ROCK1: variants seen among roughly 807,000 people sequenced by gnomAD.
ROCK1 encodes the protein Rho associated coiled-coil containing protein kinase 1.
A neutral mutation model predicts 196.8 loss-of-function variants in ROCK1; 36 were observed. That is an observed-to-expected ratio of 0.18 (90% CI 0.14 to 0.24). ROCK1 has a LOEUF of 0.24. Ranked by LOEUF, ROCK1 falls within the 10% of genes least tolerant of loss-of-function variation. The pLI, the probability that ROCK1 is intolerant of heterozygous loss-of-function variation, is 1.00. For missense variants in ROCK1, 920 were observed against 1,562.0 expected (o/e 0.59, Z 6.93); for synonymous variants, 443 against 515.9 (o/e 0.86, Z 1.91).
intron 1 of ROCK1, among the ~76,000 whole-genome samples, chr18:21,078,397 G>A (rs2036454157): frequency 6.6e-6 from 1 of 151,382 alleles, no homozygotes; most frequent in South Asian, 2.1e-4. Flanking sequence ...GAGAGAGAGA[G>A]AGAACCTAGT....
At chr18:21,017,671 T>A (rs775908074) in intron 12 of ROCK1, among the ~76,000 whole-genome samples, 1 of 151,980 alleles carries the variant, frequency 6.6e-6, no homozygotes, top group African/African-American at 2.4e-5. Context: ...GCAGAGAATT[T>A]GATTTAAAGA....
intron 29 of ROCK1, among the ~76,000 whole-genome samples, chr18:20,959,128 T>TA (rs1446667525): frequency 0.012 from 654 of 55,036 alleles, 76 homozygotes; most frequent in African/African-American, 0.072. Flanking sequence ...ATAATATATA[T>TA]ATTATATATA....
intron 18 of ROCK1, among the ~76,000 whole-genome samples, chr18:20,989,600 T>C (rs928252881): frequency 2.0e-5 from 3 of 152,206 alleles, no homozygotes; most frequent in South Asian, 2.1e-4. Context: ...GGATGACAGA[T>C]TGCTGCATGG....
At chr18:20,964,976 A>C (rs576704095) in intron 27 of ROCK1, among the ~76,000 whole-genome samples, 1 of 152,316 alleles carries the variant, frequency 6.6e-6, no homozygotes, top group African/African-American at 2.4e-5. Flanking sequence ...TAATGTGTCC[A>C]TTTCTGACAT....
chr18:21,109,639 G>C (rs778378875), intron 1 of ROCK1, among the ~76,000 whole-genome samples: 2 of 152,062 alleles, frequency 1.3e-5, no homozygotes, highest in African/African-American at 2.4e-5. Flanking sequence ...TTATTTCCTG[G>C]TCAGGGATGC....
chr18:21,033,568 A>G (rs186748375), intron 9 of ROCK1, among the ~76,000 whole-genome samples: 5 of 152,210 alleles, frequency 3.3e-5, no homozygotes, highest in African/African-American at 1.2e-4. Context: ...ACATGATCCT[A>G]TCATAGAAAA....
Position 21,006,565 on chromosome 18 carries a change from T to C in ROCK1, c.1671A>G (p.Glu557=). 4 of 1,613,864 alleles carry C rather than the reference T, an allele frequency of 2.5e-6. No individual in the cohort carries two copies. Among genetic ancestry groups the C allele is most frequent in the Non-Finnish European group, 3.4e-6 (4 of 1,179,902 alleles). Residue 557 remains glutamate (E), a synonymous_variant, in exon 16 of 33, where the codon GAA becomes GAG. Coordinates refer to ENST00000399799, the MANE Select transcript of ROCK1 (RefSeq NM_005406.3). ...LEEANDLLRT[E]SDTAVRLRKS... is the part of the protein sequence containing the mutation. ...TCCTCAATCTTACAGCTGTGTCCGA[T>C]TCTGTCCTAAGTAAGTCATTGGCTT...
At chr18:20,957,874 T>G (rs1482827719) in intron 29 of ROCK1, among the ~76,000 whole-genome samples, 1 of 151,990 alleles carries the variant, frequency 6.6e-6, no homozygotes, top group Non-Finnish European at 1.5e-5. Context: ...TGGTCTCAAA[T>G]TGAACTCAGG....
At chr18:21,025,196 T>C (rs926496160) in intron 10 of ROCK1, among the ~76,000 whole-genome samples, 4 of 152,222 alleles carry the variant, frequency 2.6e-5, no homozygotes, top group Non-Finnish European at 5.9e-5. Flanking sequence ...TGCTTTTACA[T>C]AGAATCTGGT....
intron 9 of ROCK1, among the ~76,000 whole-genome samples, chr18:21,034,586 G>C (rs769218307): frequency 9.9e-5 from 15 of 152,080 alleles, no homozygotes; most frequent in Non-Finnish European, 1.6e-4. Context: ...AGGAAAACTG[G>C]ATATCCACAT....
chr18:21,057,887 T>G (rs2036257286), intron 2 of ROCK1, among the ~76,000 whole-genome samples: 1 of 152,202 alleles, frequency 6.6e-6, no homozygotes, highest in Non-Finnish European at 1.5e-5. Context: ...ATTTTACTTC[T>G]AGGAATTTAT....
At chr18:21,003,266 C>CA (rs1211929685) in intron 16 of ROCK1, among the ~76,000 whole-genome samples, 1 of 151,732 alleles carries the variant, frequency 6.6e-6, no homozygotes, top group African/African-American at 2.4e-5. Flanking sequence ...AAAACAACAG[C>CA]AAAAAGAGAT....
intron 22 of ROCK1, among the ~76,000 whole-genome samples, chr18:20,974,725 G>C (rs1187102896): frequency 6.6e-6 from 1 of 152,094 alleles, no homozygotes; most frequent in East Asian, 1.9e-4. Context: ...AGATTATAAA[G>C]AATGGCTTTG....
At chr18:20,990,118 C>T (rs2035610785) in intron 18 of ROCK1, among the ~76,000 whole-genome samples, 1 of 151,916 alleles carries the variant, frequency 6.6e-6, no homozygotes, top group South Asian at 2.1e-4. Context: ...AAAAAATTGA[C>T]AACTCAGGTT....
At chr18:20,993,022 GTTTT>G in intron 16 of ROCK1, 85 bp from the exon 17 acceptor site, 1 of 769,764 alleles carries the variant, frequency 1.3e-6, no homozygotes, top group South Asian at 1.8e-5. Context: ...TTTAAAAAAT[GTTTT>G]TTTAATGTAT....
At chr18:20,987,623 G>T (rs2035588603) in intron 18 of ROCK1, among the ~76,000 whole-genome samples, 1 of 152,094 alleles carries the variant, frequency 6.6e-6, no homozygotes, top group Non-Finnish European at 1.5e-5. Context: ...TCTACACTGA[G>T]GCTCCTTTTT....
chr18:20,994,674 G>A (rs1441064159), intron 16 of ROCK1, among the ~76,000 whole-genome samples: 3 of 152,134 alleles, frequency 2.0e-5, no homozygotes, highest in Admixed American at 1.3e-4. Flanking sequence ...AACTCCTAAG[G>A]AGACAAGATA....
At chr18:21,088,232 G>A (rs1316773222) in intron 1 of ROCK1, among the ~76,000 whole-genome samples, 2 of 152,238 alleles carry the variant, frequency 1.3e-5, no homozygotes, top group African/African-American at 4.8e-5. Context: ...AGTGGCTCAG[G>A]CCAATAATCC....
intron 22 of ROCK1, among the ~76,000 whole-genome samples, chr18:20,973,972 A>C (rs1466973887): frequency 1.3e-5 from 2 of 151,620 alleles, no homozygotes; most frequent in Non-Finnish European, 2.9e-5. Context: ...GGGTTTCTCC[A>C]TGTTAGCCAG....
Sources: gnomAD v4.1 joint callset for allele counts (sites outside exome capture counted in the v4.1 genomes callset) on GRCh38, gnomAD v4.1.1 for gene constraint, MANE v1.5 for transcripts, NCBI Gene and HGNC (gene_info 2026-07-23, HGNC 2026-07-21) for gene names.